Variants in SSTR3 observed in about 807,000 individuals in gnomAD.
SSTR3 encodes the protein somatostatin receptor 3.
For missense variants in SSTR3, 504 were observed against 604.7 expected (o/e 0.83, Z 1.75); for synonymous variants, 281 against 269.2 (o/e 1.04, Z -0.43).
In SSTR3 at chr22:37,206,541, A is replaced by G; in HGVS notation, c.*6T>C. On this transcript the variant is annotated 3_prime_UTR_variant, in exon 2 of 2. Coordinates refer to ENST00000610913, the MANE Select transcript of SSTR3 (RefSeq NM_001051.5). ...TCCTCGGGCCATCCTGGCTTTCCCC[A>G]GGCCCCTACAGGTAGCTGATGCGCA... 6.3e-7 allele frequency: 1 copy of G among 1,593,552 alleles called. No homozygotes were observed. Among genetic ancestry groups the G allele is most frequent in the Non-Finnish European group, 8.6e-7 (1 of 1,168,286 alleles).
At chr22:37,210,218 T>G (rs1926109063) in intron 1 of SSTR3, among the ~76,000 whole-genome samples, 1 of 152,228 alleles carries the variant, frequency 6.6e-6, no homozygotes, top group South Asian at 2.1e-4. Flanking sequence ...TGGGCAGGCC[T>G]AATTTCCAGG....
At chr22:37,212,852 G>C (rs1926274643), upstream of SSTR3, among the ~76,000 whole-genome samples, 1 of 152,198 alleles carries the variant, frequency 6.6e-6, no homozygotes, top group Non-Finnish European at 1.5e-5. Context: ...CCGGGTGGGG[G>C]TCATTAGTCC....
rs1406987338 is a variant in SSTR3 at position 37,211,861 on chromosome 22, G to A, written c.-73C>T. On this transcript the variant is annotated 5_prime_UTR_variant, in exon 1 of 2. Coordinates refer to ENST00000610913, the MANE Select transcript of SSTR3 (RefSeq NM_001051.5). The stretch of plus-strand genomic sequence containing the variant: ...GTGAGGGCTTCCCTCCTTGCCGCCA[G>A]GCTGGTTATCATTCTGCTGTCCCCT... The A allele has an allele frequency of 1.0e-6, 1 of 985,732 alleles. No homozygotes were observed. Among genetic ancestry groups the A allele is most frequent in the East Asian group, 1.1e-4 (1 of 8,828 alleles). 61.1% of individuals were successfully genotyped at this position (985,732 alleles called of 1,614,324 possible). A position where few individuals can be genotyped will look rare whatever the true frequency, so the allele number is the denominator to read the frequency against.
upstream of SSTR3, among the ~76,000 whole-genome samples, chr22:37,213,843 T>C (rs1257543454): frequency 6.6e-6 from 1 of 152,214 alleles, no homozygotes; most frequent in Non-Finnish European, 1.5e-5. Flanking sequence ...GGCCTCCTCC[T>C]CTGCTGATTT....
In SSTR3 at chr22:37,205,555, T is replaced by A. The variant is rs373103598; in HGVS notation, c.*992A>T. 1.4e-4 allele frequency: 22 copies of A among 152,368 alleles called. No homozygotes were observed. The highest frequency in any genetic ancestry group is 5.1e-4 in the African/African-American group (21 of 41,494). The allele number at this position is 152,368 out of a possible 1,614,324, so 9.4% of individuals were successfully genotyped here. On this transcript the variant is annotated 3_prime_UTR_variant, in exon 2 of 2. Coordinates refer to ENST00000610913, the MANE Select transcript of SSTR3 (RefSeq NM_001051.5). ...TCCATGCCAGTCCTCATGGGCTGGG[T>A]CCCTGTCTCGGTCTCCAGGAAGGGA...
At chr22:37,218,626 A>G in the SSTR3 span, among the ~76,000 whole-genome samples, 1 of 151,192 alleles carries the variant, frequency 6.6e-6, no homozygotes, top group South Asian at 2.2e-4. Context: ...GGAGGGTAGG[A>G]GTGGAGGAGT....
In SSTR3 at chr22:37,206,336, G is replaced by T; in HGVS notation, c.*211C>A. On this transcript the variant is annotated 3_prime_UTR_variant, in exon 2 of 2. Transcript: ENST00000610913. ...TCTGACATAGCTCATCCAGGCTGAT[G>T]ACTCCTATCCCTGAGTCACAGAGGA... is the stretch of plus-strand genomic sequence containing the variant. 1.5e-6 allele frequency: 1 copy of T among 687,032 alleles called. No individual in the cohort carries two copies. Among genetic ancestry groups the T allele is most frequent in the Non-Finnish European group, 2.3e-6 (1 of 436,132 alleles). The allele number at this position is 687,032 out of a possible 1,614,324, so 42.6% of individuals were successfully genotyped here.
chr22:37,212,955 T>C (rs908710002), upstream of SSTR3, among the ~76,000 whole-genome samples: 4 of 152,188 alleles, frequency 2.6e-5, no homozygotes, highest in African/African-American at 2.4e-5. Context: ...GGCAAAATCA[T>C]TGTGCAGTGA....
chr22:37,213,250 G>A (rs976905476), upstream of SSTR3, among the ~76,000 whole-genome samples: 8 of 152,320 alleles, frequency 5.3e-5, no homozygotes, highest in Admixed American at 2.0e-4. Flanking sequence ...AGACTCTGCC[G>A]TACAGTCCTG....
At chr22:37,215,769 T>C, upstream of SSTR3, 1 of 275,252 alleles carries the variant, frequency 3.6e-6, no homozygotes. Flanking sequence ...TTCCAATATC[T>C]CCTTTTGGAG....
rs752669676 is a variant in SSTR3 at position 37,207,563 on chromosome 22, C to G, written c.241G>C (p.Val81Leu). The stretch of plus-strand genomic sequence containing the variant: ...GCCAGCGCCAGGTTGAGGATGTAGA[C>G]GTTGGTGACTGAAGGGCTGGCCGTG... ...RHTASPSVTN[V>L]YILNLALADE... Residue 81 changes from valine to leucine, a missense_variant, in exon 2 of 2, where the codon GTC becomes CTC. Physicochemically the swap from Val to Leu is conservative, Grantham distance 32 (BLOSUM62 1). Transcript: ENST00000610913. 1.8e-5 allele frequency: 29 copies of G among 1,613,662 alleles called. No homozygotes were observed. The highest frequency in any genetic ancestry group is 2.3e-5 in the Non-Finnish European group (27 of 1,179,918).
Position 37,204,640 on chromosome 22 carries a change from G to C in SSTR3, c.*1907C>G, listed in dbSNP as rs1925608173. On this transcript the variant is annotated 3_prime_UTR_variant, in exon 2 of 2. Transcript: ENST00000610913. ...GAGAGGCCACTTGATGGAGAGGGGG[G>C]TATAGGCCAAGCCTGGGGGTGAGGA... The C allele has an allele frequency of 6.6e-6, 1 of 152,350 alleles. No individual in the cohort carries two copies. The highest frequency in any genetic ancestry group is 6.5e-5 in the Admixed American group (1 of 15,284). The allele number at this position is 152,350 out of a possible 1,614,324, so 9.4% of individuals were successfully genotyped here.
At chr22:37,215,336 C>T (rs1399833961), upstream of SSTR3, among the ~76,000 whole-genome samples, 1 of 152,222 alleles carries the variant, frequency 6.6e-6, no homozygotes, top group Non-Finnish European at 1.5e-5. Flanking sequence ...CCCACCTCAG[C>T]TTCTCAAAGT....
At chr22:37,211,039 G>A (rs1293621071) in intron 1 of SSTR3, 7 of 949,532 alleles carry the variant, frequency 7.4e-6, no homozygotes, top group Non-Finnish European at 8.8e-6. Context: ...GAGAGGTTGA[G>A]TAAGCTGCAA....
chr22:37,219,798 G>C, the SSTR3 span, among the ~76,000 whole-genome samples: 1 of 152,138 alleles, frequency 6.6e-6, no homozygotes, highest in African/African-American at 2.4e-5. Flanking sequence ...TTTGATGGTG[G>C]CTGACTGCGA....
chr22:37,212,236 G>T lies in SSTR3; in HGVS notation c.-448C>A. The T allele has an allele frequency of 2.9e-6, 2 of 686,798 alleles. No individual in the cohort carries two copies. Among genetic ancestry groups the T allele is most frequent in the Non-Finnish European group, 3.6e-6 (2 of 558,182 alleles). The allele number at this position is 686,798 out of a possible 1,614,324, so 42.5% of individuals were successfully genotyped here. A position where few individuals can be genotyped will look rare whatever the true frequency, so the allele number is the denominator to read the frequency against. On this transcript the variant is annotated 5_prime_UTR_variant, in exon 1 of 2. Transcript: ENST00000610913. ...GAGAGAGAGAGAGAAAGAGGGAGGG[G>T]GAGAGAGAGAGAGGGAGAGGGAGAG...
chr22:37,209,138 A>G (rs1444310384), intron 1 of SSTR3, among the ~76,000 whole-genome samples: 1 of 152,192 alleles, frequency 6.6e-6, no homozygotes, highest in Non-Finnish European at 1.5e-5. Context: ...TATCCCTGAC[A>G]CTGGGCCTGC....
chr22:37,212,089 G>T lies in SSTR3; in HGVS notation c.-301C>A, dbSNP rs9622573. On this transcript the variant is annotated 5_prime_UTR_variant, in exon 1 of 2. Transcript: ENST00000610913. ...ACCCCCCATCTCCAGGACACATCCT[G>T]GGGGGGCAGGGGCAAGGATAGGGGG... 5.1e-6 allele frequency: 5 copies of T among 985,284 alleles called. No individual in the cohort carries two copies. The African/African-American group carries it at 5.3e-5, about 10-fold the overall frequency. The allele number at this position is 985,284 out of a possible 1,614,324, so 61.0% of individuals were successfully genotyped here.
chr22:37,207,186 G>A lies in SSTR3; in HGVS notation c.618C>T (p.Phe206=). 6.2e-7 allele frequency: 1 copy of A among 1,611,918 alleles called. No individual in the cohort carries two copies. Among genetic ancestry groups the A allele is most frequent in the Non-Finnish European group, 8.5e-7 (1 of 1,179,444 alleles). ...AGCCCAGTGCGGCCGTGTAGATGAT[G>A]AAGCCGGCTCGCCAGGCCGCCGCCG... ...PEPAAAWRAG[F]IIYTAALGFF... The change falls in exon 2 of 2, where the codon TTC becomes TTT. Residue 206 remains phenylalanine, a synonymous_variant. Coordinates refer to ENST00000610913, the MANE Select transcript of SSTR3 (RefSeq NM_001051.5).
Sources: allele counts gnomAD v4.1 joint callset (sites outside exome capture counted in the v4.1 genomes callset), GRCh38; gene constraint gnomAD v4.1.1; transcripts MANE v1.5; gene names NCBI Gene and HGNC (gene_info 2026-07-23, HGNC 2026-07-21).